The following MTAP variants were observed in gnomAD, a reference collection of about 807,000 sequenced individuals.
MTAP encodes the protein methylthioadenosine phosphorylase.
Under a neutral mutation model 33.6 loss-of-function variants are expected in MTAP, and 33 were observed. The observed-to-expected ratio is 0.98, with a 90% CI of 0.74 to 1.31. MTAP has a LOEUF of 1.31. MTAP is among the 40% of genes most tolerant of loss of function. The pLI, the probability that MTAP is intolerant of heterozygous loss-of-function variation, is 0.00. For missense variants in MTAP, 367 were observed against 360.0 expected (o/e 1.02, Z -0.16); for synonymous variants, 148 against 125.7 (o/e 1.18, Z -1.19).
At chr9:21,831,506 T>C (rs971759499) in intron 4 of MTAP, among the ~76,000 whole-genome samples, 4 of 152,066 alleles carry the variant, frequency 2.6e-5, no homozygotes, top group African/African-American at 4.8e-5. Context: ...TTTTTTTTTT[T>C]TAAGGAGATG....
chr9:21,917,175 A>C (rs1818705758), intron 1 of MTAP, among the ~76,000 whole-genome samples: 1 of 152,240 alleles, frequency 6.6e-6, no homozygotes, highest in Admixed American at 6.5e-5. Flanking sequence ...AAATACAAAG[A>C]GTCCAGTTGT....
At chr9:21,848,327 T>C (rs1278735366) in intron 5 of MTAP, among the ~76,000 whole-genome samples, 1 of 152,118 alleles carries the variant, frequency 6.6e-6, no homozygotes, top group African/African-American at 2.4e-5. Context: ...TTTTCTGATT[T>C]ATATAAACAG....
chr9:21,919,156 C>T (rs1045156832), intron 1 of MTAP, among the ~76,000 whole-genome samples: 2 of 152,038 alleles, frequency 1.3e-5, no homozygotes, highest in Admixed American at 1.3e-4. Context: ...GGGTTTGTAG[C>T]TGAAAGAGAG....
downstream of MTAP, among the ~76,000 whole-genome samples, chr9:21,870,278 C>T (rs111427025): frequency 6.6e-6 from 1 of 152,200 alleles, no homozygotes; most frequent in Admixed American, 6.5e-5. Context: ...CCTACTTACT[C>T]TAGTATTTGT....
intron 6 of MTAP, 86 bp from the exon 7 acceptor site, chr9:21,859,217 T>C (rs1825701710): frequency 5.3e-6 from 8 of 1,520,826 alleles, no homozygotes; most frequent in Non-Finnish European, 7.0e-6. Flanking sequence ...ATTTAGGCTG[T>C]AGCAAGGCTG....
intron 1 of MTAP, chr9:21,811,595 C>CT: frequency 2.1e-6 from 1 of 466,796 alleles, no homozygotes; most frequent in Non-Finnish European, 4.3e-6. Flanking sequence ...CACTTCCACC[C>CT]TTTACACAGT....
chr9:21,857,715 C>T lies in MTAP; in HGVS notation c.691-1588C>T, dbSNP rs191116086. 5.5e-3 allele frequency among the ~76,000 whole-genome samples: 837 copies of T among 152,346 alleles called. 4 individuals are homozygous for T. The highest frequency in any genetic ancestry group is 9.5e-3 in the Admixed American group (146 of 15,302). ...TCAATAATTTTATCCATAAACACTT[C>T]AGGAGGTATCTAACATGAGCACATT... On this transcript the variant is annotated intron_variant, in intron 6 of 7. Transcript: ENST00000644715.
chr9:21,834,266 A>C (rs1317203269), intron 4 of MTAP, among the ~76,000 whole-genome samples: 5 of 152,196 alleles, frequency 3.3e-5, no homozygotes, highest in Non-Finnish European at 7.3e-5. Flanking sequence ...TGAGGTGCAG[A>C]GAGACGAGAG....
chr9:21,854,574 A>T, intron 5 of MTAP, 57 bp from the exon 6 acceptor site: 1 of 1,472,156 alleles, frequency 6.8e-7, no homozygotes, highest in South Asian at 1.6e-5. Flanking sequence ...GGGGAAGTGC[A>T]GCCTTAAGTT....
At chr9:21,824,662 C>T (rs995333524) in intron 4 of MTAP, among the ~76,000 whole-genome samples, 1 of 152,204 alleles carries the variant, frequency 6.6e-6, no homozygotes, top group African/African-American at 2.4e-5. Context: ...GCAGAGGTTT[C>T]TGCTGCCTTT....
At chr9:21,887,676 A>G (rs1053196892) in intron 1 of MTAP, among the ~76,000 whole-genome samples, 6 of 152,006 alleles carry the variant, frequency 3.9e-5, no homozygotes, top group South Asian at 4.2e-4. Flanking sequence ...AGATCCCTGA[A>G]GAATCGCCAC....
At chr9:21,884,620 T>C (rs1477816093) in intron 1 of MTAP, among the ~76,000 whole-genome samples, 1 of 152,192 alleles carries the variant, frequency 6.6e-6, no homozygotes, top group Non-Finnish European at 1.5e-5. Flanking sequence ...CTTTTTGGCT[T>C]GTAGACTTCT....
At chr9:21,850,162 G>T (rs1464262051) in intron 5 of MTAP, among the ~76,000 whole-genome samples, 1 of 152,220 alleles carries the variant, frequency 6.6e-6, no homozygotes, top group Non-Finnish European at 1.5e-5. Flanking sequence ...AGACTTATTG[G>T]TGAGGCATTT....
rs57959771 is a variant in MTAP at position 21,887,880 on chromosome 9, G to C, written c.147+33010G>C. Among the ~76,000 whole-genome samples, 1,509 of 152,174 alleles carry C rather than the reference G, an allele frequency of 9.9e-3. 20 individuals carry two copies. Among genetic ancestry groups the C allele is most frequent in the African/African-American group, 0.027 (1,137 of 41,524 alleles). On this transcript the variant is annotated intron_variant, in intron 1 of 1. Transcript: ENST00000577563. The stretch of plus-strand genomic sequence containing the variant: ...GATATATCCTAAGTTTTGTGTGGGG[G>C]GGTTGCAGCTATTGTAAAAGGGTTT...
At position 21,864,154 on chromosome 9, in the gene MTAP, G is replaced by A; in HGVS notation, c.*2140G>A. 1 of 985,376 alleles carries A rather than the reference G, an allele frequency of 1.0e-6. No homozygotes were observed. The highest frequency in any genetic ancestry group is 4.7e-5 in the South Asian group (1 of 21,286). The allele number at this position is 985,376 out of a possible 1,614,324, so 61.0% of individuals were successfully genotyped here. A position where few individuals can be genotyped will look rare whatever the true frequency, so the allele number is the denominator to read the frequency against. The stretch of plus-strand genomic sequence containing the variant: ...AGTACAGTTCTCTCCAACTTGCAGA[G>A]GTACTTTTCTTGATTAAATAGCCTT... On this transcript the variant is annotated 3_prime_UTR_variant, in exon 8 of 8. Coordinates refer to ENST00000644715, the MANE Select transcript of MTAP (RefSeq NM_002451.4).
chr9:21,862,223 A>T lies in MTAP; in HGVS notation c.*209A>T. ...TCAAAATACAGAAGAAAAGCAAATG[A>T]CTAGTAAACATGTGGGAAAAAATAT... On this transcript the variant is annotated 3_prime_UTR_variant, in exon 8 of 8. Coordinates refer to ENST00000644715, the MANE Select transcript of MTAP (RefSeq NM_002451.4). 8.0e-7 allele frequency: 1 copy of T among 1,246,836 alleles called. No homozygotes were observed. 77.2% of individuals were successfully genotyped at this position (1,246,836 alleles called of 1,614,324 possible).
At chr9:21,855,344 T>C (rs1261146800) in intron 6 of MTAP, among the ~76,000 whole-genome samples, 1 of 152,190 alleles carries the variant, frequency 6.6e-6, no homozygotes, top group Non-Finnish European at 1.5e-5. Flanking sequence ...CGACATTCTG[T>C]CGGATGGAGA....
At chr9:21,822,641 T>A (rs976360322) in intron 4 of MTAP, among the ~76,000 whole-genome samples, 6 of 152,226 alleles carry the variant, frequency 3.9e-5, no homozygotes, top group Admixed American at 6.5e-5. Flanking sequence ...AGATGTCTGT[T>A]AGGTCCGCTT....
chr9:21,806,514 G>C (rs1399312830), intron 1 of MTAP, among the ~76,000 whole-genome samples: 1 of 152,110 alleles, frequency 6.6e-6, no homozygotes, highest in Non-Finnish European at 1.5e-5. Flanking sequence ...TTTGCTGTAG[G>C]AGCAGAGTGG....
Sources: gnomAD v4.1 joint callset for allele counts (sites outside exome capture counted in the v4.1 genomes callset) on GRCh38, gnomAD v4.1.1 for gene constraint, MANE v1.5 for transcripts, NCBI Gene and HGNC (gene_info 2026-07-23, HGNC 2026-07-21) for gene names.